PLXNA4: variants seen among roughly 807,000 people sequenced by gnomAD.
PLXNA4 encodes the protein plexin-A4.
In PLXNA4, 44 loss-of-function variants were observed where a neutral mutation model predicts 191.8. That is an observed-to-expected ratio of 0.23 (90% CI 0.18 to 0.29). The LOEUF is 0.29. Ranked by LOEUF, PLXNA4 falls within the 10% of genes least tolerant of loss-of-function variation. PLXNA4 has a pLI of 1.00. For missense variants in PLXNA4, 1,800 were observed against 2,488.8 expected (o/e 0.72, Z 5.89); for synonymous variants, 1,082 against 1,009.5 (o/e 1.07, Z -1.36).
chr7:132,456,326 T>A (rs1796315834), intron 3 of PLXNA4, among the ~76,000 whole-genome samples: 1 of 152,120 alleles, frequency 6.6e-6, no homozygotes, highest in Non-Finnish European at 1.5e-5. Flanking sequence ...TTGCCCAGGC[T>A]GGTCTCGAAC....
At chr7:132,365,330 T>TGTGC (rs1804112328) in intron 3 of PLXNA4, among the ~76,000 whole-genome samples, 1 of 105,588 alleles carries the variant, frequency 9.5e-6, no homozygotes, top group Admixed American at 9.3e-5. Flanking sequence ...ACGGCCCGCG[T>TGTGC]GTGTGTGTGT....
chr7:132,459,546 T>C (rs977456194), intron 3 of PLXNA4, among the ~76,000 whole-genome samples: 1 of 152,048 alleles, frequency 6.6e-6, no homozygotes, highest in Non-Finnish European at 1.5e-5. Context: ...CCGGAAGGGG[T>C]CCAGGTCTTG....
At chr7:132,179,529 G>T (rs987796883) in intron 20 of PLXNA4, among the ~76,000 whole-genome samples, 158 bp downstream of exon 20, 1 of 130,210 alleles carries the variant, frequency 7.7e-6, no homozygotes, top group Admixed American at 7.7e-5. Context: ...ACACACATTC[G>T]CACAGACACA....
At chr7:132,364,337 C>T (rs566671946) in intron 3 of PLXNA4, among the ~76,000 whole-genome samples, 2 of 152,318 alleles carry the variant, frequency 1.3e-5, no homozygotes, top group East Asian at 3.9e-4. Flanking sequence ...AAACGCATTG[C>T]CTTTCTTTGT....
At chr7:132,635,650 C>T (rs898839651) in intron 2 of PLXNA4, among the ~76,000 whole-genome samples, 2 of 152,156 alleles carry the variant, frequency 1.3e-5, no homozygotes, top group African/African-American at 4.8e-5. Flanking sequence ...GACCCCACTG[C>T]CCTGCACCTT....
At chr7:132,318,395 C>T (rs1160711857) in intron 3 of PLXNA4, among the ~76,000 whole-genome samples, 7 of 152,182 alleles carry the variant, frequency 4.6e-5, no homozygotes, top group Admixed American at 1.3e-4. Context: ...AGTATGTGCT[C>T]ACTTGCTTTG....
intron 3 of PLXNA4, among the ~76,000 whole-genome samples, chr7:132,421,306 C>T (rs567704486): frequency 1.6e-4 from 24 of 152,260 alleles, no homozygotes; most frequent in African/African-American, 5.5e-4. Context: ...AGAGAACACT[C>T]ACTTTTAAAA....
Position 132,633,930 on chromosome 7 carries a change from A to C in PLXNA4, c.-87+11998T>G, listed in dbSNP as rs186656919. Among the ~76,000 whole-genome samples the C allele has an allele frequency of 2.1e-4, 32 of 152,154 alleles. No homozygotes were observed. In the East Asian group the frequency reaches 6.2e-3, roughly 29 times the overall value. On this transcript the variant is annotated intron_variant, in intron 2 of 4. Transcript: ENST00000378539. ...TCAGCACACACAGCAACTCCAGCAC[A>C]TCACACACACACACACGCACATGCA...
chr7:132,153,967 G>A (rs1161158265), intron 25 of PLXNA4, among the ~76,000 whole-genome samples: 2 of 152,186 alleles, frequency 1.3e-5, no homozygotes, highest in Non-Finnish European at 2.9e-5. Flanking sequence ...GGCTGCTGAA[G>A]AAAGGAAAGG....
intron 4 of PLXNA4, among the ~76,000 whole-genome samples, chr7:132,258,554 T>G (rs76614710): frequency 2.2e-4 from 34 of 152,224 alleles, no homozygotes; most frequent in Admixed American, 2.2e-3. Context: ...CCATAGCCCC[T>G]GCCTTTGGGG....
chr7:132,298,988 G>T (rs1372788731), intron 3 of PLXNA4, among the ~76,000 whole-genome samples: 1 of 152,242 alleles, frequency 6.6e-6, no homozygotes, highest in Non-Finnish European at 1.5e-5. Context: ...CATGCCCCAT[G>T]AATGAGAACT....
At chr7:132,484,340 G>A (rs1048561616) in intron 3 of PLXNA4, among the ~76,000 whole-genome samples, 14 of 152,302 alleles carry the variant, frequency 9.2e-5, no homozygotes, top group East Asian at 5.8e-4. Context: ...GTGGTTGAAC[G>A]TGAAATCAGA....
chr7:132,548,721 G>A (rs1324888234), intron 1 of PLXNA4, among the ~76,000 whole-genome samples: 1 of 152,180 alleles, frequency 6.6e-6, no homozygotes, highest in East Asian at 1.9e-4. Context: ...TGGGTAAAAT[G>A]AGGCTGAGTC....
intron 1 of PLXNA4, among the ~76,000 whole-genome samples, chr7:132,550,496 G>A (rs550971071): frequency 2.0e-5 from 3 of 152,354 alleles, no homozygotes; most frequent in Admixed American, 6.5e-5. Context: ...GGAGGGGTCA[G>A]CATTTCTTCA....
Position 132,338,556 on chromosome 7 carries a change from A to C in PLXNA4, c.1372-40334T>G, listed in dbSNP as rs562387820. Among the ~76,000 whole-genome samples, 4 of 152,382 alleles carry C rather than the reference A, an allele frequency of 2.6e-5. No homozygotes were observed. In the South Asian group the frequency reaches 8.3e-4, roughly 32 times the overall value. ...AATGCTGCCAGTGCAGTAATTACTCAGATATTTACACAGTGATTAACATTT... is the reference window on the plus strand; with the variant it reads ...AATGCTGCCAGTGCAGTAATTACTCCGATATTTACACAGTGATTAACATTT... On this transcript the variant is annotated intron_variant, in intron 3 of 31. Coordinates refer to ENST00000321063, the MANE Select transcript of PLXNA4 (RefSeq NM_020911.2).
intron 13 of PLXNA4, among the ~76,000 whole-genome samples, chr7:132,196,424 C>A (rs746270461): frequency 6.6e-6 from 1 of 152,096 alleles, no homozygotes; most frequent in Admixed American, 6.5e-5. Context: ...ACTTAATATA[C>A]CTTGAGTATA....
At chr7:132,327,616 C>G (rs12112256) in intron 3 of PLXNA4, among the ~76,000 whole-genome samples, 13,984 of 152,196 alleles carry the variant, frequency 0.092, 842 homozygotes, top group Admixed American at 0.2. Context: ...AAATATGCAT[C>G]AAGGTTCTGC....
At chr7:132,637,673 C>A (rs1372667139) in intron 2 of PLXNA4, among the ~76,000 whole-genome samples, 3 of 152,210 alleles carry the variant, frequency 2.0e-5, no homozygotes, top group Non-Finnish European at 4.4e-5. Context: ...CTCAGTTTCC[C>A]CACTTGTGAT....
chr7:132,347,229 G>T (rs1436888116), intron 3 of PLXNA4, among the ~76,000 whole-genome samples: 1 of 152,156 alleles, frequency 6.6e-6, no homozygotes, highest in African/African-American at 2.4e-5. Flanking sequence ...GACACAGAGG[G>T]CAAAGCCAGA....
Sources: gnomAD v4.1 joint callset for allele counts (sites outside exome capture counted in the v4.1 genomes callset) on GRCh38, gnomAD v4.1.1 for gene constraint, MANE v1.5 for transcripts, NCBI Gene and HGNC (gene_info 2026-07-23, HGNC 2026-07-21) for gene names.